The following STX8 variants were observed in gnomAD, a reference collection of about 807,000 sequenced individuals.
The protein encoded by STX8 is syntaxin 8.
Under a neutral mutation model 37.5 loss-of-function variants are expected in STX8, and 23 were observed. That is an observed-to-expected ratio of 0.61 (90% confidence interval 0.44 to 0.87). The LOEUF is 0.87. STX8 is among the 40% of genes least tolerant of loss of function. The probability of loss-of-function intolerance (pLI) is 0.00; values close to 1 mark genes in which losing one functional copy is unlikely to be tolerated. For missense variants in STX8, 313 were observed against 284.7 expected, an observed-to-expected ratio of 1.10 and a Z score of -0.71; for synonymous variants, 115 against 99.1, an observed-to-expected ratio of 1.16 and a Z score of -0.95.
chr17:9,380,259 T>G (rs1028413033), intron 6 of STX8, among the ~76,000 whole-genome samples: 147 of 145,524 alleles, frequency 1.0e-3, no homozygotes, highest in Admixed American at 9.6e-4. Flanking sequence ...TGTGTGTTTT[T>G]TTTTTTTTTT....
chr17:9,472,070 C>CTT (rs11364559), intron 6 of STX8, among the ~76,000 whole-genome samples: 15 of 139,902 alleles, frequency 1.1e-4, no homozygotes, highest in African/African-American at 2.6e-4. Context: ...TGGTAGATTC[C>CTT]TTTTTTTTTT....
chr17:9,505,280 A>C, intron 4 of STX8, 118 bp from the exon 5 acceptor site: 1 of 1,113,350 alleles, frequency 9.0e-7, no homozygotes, highest in Non-Finnish European at 1.3e-6. Context: ...TTCAAACACA[A>C]TTTATTGCAT....
chr17:9,285,189 G>A (rs1908030694), intron 7 of STX8, among the ~76,000 whole-genome samples: 1 of 151,994 alleles, frequency 6.6e-6, no homozygotes, highest in East Asian at 1.9e-4. Flanking sequence ...TTGTGGGTAG[G>A]GCTTAGAGAG....
intron 6 of STX8, among the ~76,000 whole-genome samples, chr17:9,486,221 G>A (rs887059617): frequency 6.6e-6 from 1 of 152,146 alleles, no homozygotes; most frequent in Non-Finnish European, 1.5e-5. Flanking sequence ...CCAATAAAAG[G>A]AACCAGGGAT....
At chr17:9,301,606 C>T (rs1908787502) in intron 7 of STX8, among the ~76,000 whole-genome samples, 1 of 151,864 alleles carries the variant, frequency 6.6e-6, no homozygotes, top group Non-Finnish European at 1.5e-5. Flanking sequence ...CTTCAGCCTC[C>T]CGAGTAGCTG....
chr17:9,322,146 C>A (rs1472489620), intron 7 of STX8, among the ~76,000 whole-genome samples: 11 of 152,206 alleles, frequency 7.2e-5, no homozygotes. Flanking sequence ...AAGTCCTCAG[C>A]AGTACCCAGA....
At chr17:9,334,845 G>A (rs911734169) in intron 7 of STX8, among the ~76,000 whole-genome samples, 2 of 152,184 alleles carry the variant, frequency 1.3e-5, no homozygotes, top group African/African-American at 4.8e-5. Context: ...CCCTTGATAA[G>A]TGTTAAATAC....
chr17:9,313,888 C>G (rs899721248), intron 7 of STX8, among the ~76,000 whole-genome samples: 3 of 152,194 alleles, frequency 2.0e-5, no homozygotes, highest in African/African-American at 7.2e-5. Context: ...CCTCGGCCTC[C>G]TAAAGTGCTG....
chr17:9,448,772 G>C (rs1904941444), intron 6 of STX8, among the ~76,000 whole-genome samples: 1 of 152,080 alleles, frequency 6.6e-6, no homozygotes, highest in African/African-American at 2.4e-5. Context: ...CACTAACTTG[G>C]TGTTCACGGT....
intron 6 of STX8, among the ~76,000 whole-genome samples, chr17:9,444,686 T>C (rs1393711044): frequency 6.6e-6 from 1 of 152,216 alleles, no homozygotes; most frequent in Non-Finnish European, 1.5e-5. Flanking sequence ...TTATCTTCTA[T>C]GTATGCACAC....
chr17:9,560,825 T>A (rs887133647), intron 2 of STX8, among the ~76,000 whole-genome samples: 2 of 151,786 alleles, frequency 1.3e-5, no homozygotes, highest in African/African-American at 2.4e-5. Flanking sequence ...ACCATGAATA[T>A]GTATAATGTT....
At chr17:9,514,287 G>A (rs1905106324) in intron 4 of STX8, among the ~76,000 whole-genome samples, 1 of 152,140 alleles carries the variant, frequency 6.6e-6, no homozygotes, top group Non-Finnish European at 1.5e-5. Context: ...CCATAAATAT[G>A]TATAATTATT....
Position 9,442,596 on chromosome 17 carries a change from C to T in STX8, c.541+49233G>A, listed in dbSNP as rs149117528. Among the ~76,000 whole-genome samples the T allele has an allele frequency of 1.1e-3, 173 of 152,208 alleles. 3 individuals carry two copies. Among genetic ancestry groups the T allele is most frequent in the African/African-American group, 3.9e-3 (162 of 41,524 alleles). On this transcript the variant is annotated intron_variant, in intron 6 of 7. Coordinates refer to ENST00000306357, the MANE Select transcript of STX8 (RefSeq NM_004853.3). Reference sequence around the variant, plus strand: ...TAATTTTTTGTATTTTTTGTAGAGACGGGGTTTCACCATGTTGGCCAGGCT... The same window carrying T: ...TAATTTTTTGTATTTTTTGTAGAGATGGGGTTTCACCATGTTGGCCAGGCT...
At chr17:9,572,021 A>C (rs1261967421) in intron 1 of STX8, among the ~76,000 whole-genome samples, 1 of 152,188 alleles carries the variant, frequency 6.6e-6, no homozygotes, top group East Asian at 1.9e-4. Flanking sequence ...CCATTATACT[A>C]TTCTAGTTTG....
At chr17:9,464,391 G>C (rs902309820) in intron 6 of STX8, among the ~76,000 whole-genome samples, 3 of 152,170 alleles carry the variant, frequency 2.0e-5, no homozygotes, top group African/African-American at 2.4e-5. Flanking sequence ...TCTGCCGCTA[G>C]GTATAATCCT....
chr17:9,494,262 G>A (rs1396619033), intron 5 of STX8, among the ~76,000 whole-genome samples: 2 of 151,622 alleles, frequency 1.3e-5, no homozygotes, highest in Non-Finnish European at 2.9e-5. Context: ...TGATCCGCCC[G>A]CCTCGGCCTC....
At chr17:9,472,417 C>G (rs1395618047) in intron 6 of STX8, among the ~76,000 whole-genome samples, 1 of 152,150 alleles carries the variant, frequency 6.6e-6, no homozygotes, top group Non-Finnish European at 1.5e-5. Flanking sequence ...CCTAGCAAAC[C>G]ACTAAACCTG....
At chr17:9,262,930 C>A (rs1020316994) in intron 7 of STX8, among the ~76,000 whole-genome samples, 1 of 152,160 alleles carries the variant, frequency 6.6e-6, no homozygotes, top group Non-Finnish European at 1.5e-5. Context: ...TATTTGCAAC[C>A]AAGATCTTTT....
chr17:9,518,855 C>T (rs565654604), intron 4 of STX8, among the ~76,000 whole-genome samples: 130 of 142,268 alleles, frequency 9.1e-4, no homozygotes, highest in African/African-American at 2.7e-3. Flanking sequence ...GGCGGCAGAG[C>T]GAGACTCCGT....
Sources: allele counts gnomAD v4.1 joint callset (sites outside exome capture counted in the v4.1 genomes callset), GRCh38; gene constraint gnomAD v4.1.1; transcripts MANE v1.5; gene names NCBI Gene and HGNC (gene_info 2026-07-23, HGNC 2026-07-21).